CSNK2A1: variants seen among roughly 807,000 people sequenced by gnomAD.
CSNK2A1 encodes the protein casein kinase 2 alpha 1.
CSNK2A1 carries 10 observed loss-of-function variants against 62.9 expected under a neutral mutation model. The observed-to-expected ratio is 0.16, with a 90% CI of 0.10 to 0.27. The LOEUF is 0.27. Ranked by LOEUF, CSNK2A1 falls within the 10% of genes least tolerant of loss-of-function variation. The pLI is 1.00. For missense variants in CSNK2A1, 160 were observed against 492.0 expected (o/e 0.33, Z 6.38); for synonymous variants, 124 against 167.8 (o/e 0.74, Z 2.02).
chr20:488,828 C>A, intron 10 of CSNK2A1, 50 bp from the exon 11 acceptor site: 1 of 1,493,506 alleles, frequency 6.7e-7, no homozygotes, highest in Non-Finnish European at 9.2e-7. Context: ...ATTATATTAA[C>A]AAATCAACAA....
intron 4 of CSNK2A1, chr20:502,827 T>C (rs1335757504): frequency 6.6e-6 from 1 of 152,174 alleles, no homozygotes; most frequent in African/African-American, 2.4e-5. Flanking sequence ...ATAACATCTT[T>C]CACATGAAAT....
chr20:504,914 G>T (rs574591962), intron 4 of CSNK2A1: 1 of 529,644 alleles, frequency 1.9e-6, no homozygotes, highest in South Asian at 3.1e-5. Flanking sequence ...AGCTATATGA[G>T]TCAACTCAAA....
chr20:525,715 G>A (rs1045956027), intron 2 of CSNK2A1, among the ~76,000 whole-genome samples: 22 of 149,818 alleles, frequency 1.5e-4, no homozygotes, highest in Non-Finnish European at 1.3e-4. Context: ...GCTAATGCCT[G>A]TAATCCCAAC....
At chr20:525,480 G>A (rs57011967) in intron 2 of CSNK2A1, among the ~76,000 whole-genome samples, 192 of 151,284 alleles carry the variant, frequency 1.3e-3, no homozygotes, top group East Asian at 3.9e-3. Flanking sequence ...GTGAAACCCC[G>A]TCTCTACTAA....
Position 474,388 on chromosome 20 carries a change from A to G in CSNK2A1, c.*9573T>C, listed in dbSNP as rs1026984618. 4.6e-5 allele frequency: 7 copies of G among 152,120 alleles called. No individual in the cohort carries two copies. Among genetic ancestry groups the G allele is most frequent in the African/African-American group, 1.7e-4 (7 of 41,414 alleles). 9.4% of individuals were successfully genotyped at this position (152,120 alleles called of 1,614,324 possible). On this transcript the variant is annotated 3_prime_UTR_variant, in exon 14 of 14. Transcript: ENST00000217244. ...GGTTGCAGGTGTCAGATGAATCAGG[A>G]ATTGAGACGAGATGGGAAGGCATCA...
At chr20:487,710 G>T in intron 11 of CSNK2A1, 135 bp from the exon 12 acceptor site, 1 of 1,175,794 alleles carries the variant, frequency 8.5e-7, no homozygotes, top group Non-Finnish European at 1.2e-6. Context: ...GGGTAGTCTT[G>T]CACCGCTCTG....
intron 2 of CSNK2A1, among the ~76,000 whole-genome samples, chr20:525,418 T>G (rs569987547): frequency 6.6e-6 from 1 of 151,962 alleles, no homozygotes; most frequent in Non-Finnish European, 1.5e-5. Flanking sequence ...TGTGGGAGGC[T>G]GAGGCGGGCG....
chr20:492,387 C>T (rs2018254625), intron 8 of CSNK2A1, 23 bp from the exon 9 acceptor site: 2 of 1,611,188 alleles, frequency 1.2e-6, no homozygotes, highest in East Asian at 4.5e-5. Flanking sequence ...AAACCATGAG[C>T]AATCTTATCT....
chr20:487,701 G>T, intron 11 of CSNK2A1, 126 bp from the exon 12 acceptor site: 1 of 1,325,612 alleles, frequency 7.5e-7, no homozygotes, highest in Middle Eastern at 2.0e-4. Context: ...AACTCAAGAG[G>T]GTAGTCTTGC....
chr20:500,336 TC>T (rs2018434650), intron 4 of CSNK2A1: 1 of 191,854 alleles, frequency 5.2e-6, no homozygotes, highest in South Asian at 9.2e-5. Flanking sequence ...CCTTTCCATT[TC>T]TTCCTCTAAT....
At chr20:485,096 A>AT (rs2018054382) in intron 13 of CSNK2A1, among the ~76,000 whole-genome samples, 5 of 50,944 alleles carry the variant, frequency 9.8e-5, no homozygotes, top group African/African-American at 2.8e-4. Context: ...AAAAAAAAAA[A>AT]AAAAAAAAAA....
chr20:504,298 A>C (rs180929374), intron 4 of CSNK2A1: 5 of 152,352 alleles, frequency 3.3e-5, no homozygotes, highest in African/African-American at 1.2e-4. Context: ...AATTAAAGAC[A>C]GTATAAGTGT....
intron 7 of CSNK2A1, among the ~76,000 whole-genome samples, chr20:497,338 G>A (rs992677150): frequency 3.9e-5 from 6 of 152,150 alleles, no homozygotes; most frequent in African/African-American, 1.4e-4. Flanking sequence ...TGTAGAGACA[G>A]GGTCTCACTA....
chr20:506,543 T>A (rs1016580768), intron 3 of CSNK2A1: 7 of 152,174 alleles, frequency 4.6e-5, no homozygotes, highest in African/African-American at 1.7e-4. Flanking sequence ...CTGCTTCCAA[T>A]GTAGAGCGCT....
chr20:512,054 G>GT lies in CSNK2A1; in HGVS notation c.-109-3395dup, dbSNP rs552184996. 2.4e-4 allele frequency among the ~76,000 whole-genome samples: 37 copies of GT among 152,076 alleles called. No homozygotes were observed. In the East Asian group the frequency reaches 6.0e-3, roughly 25 times the overall value. On this transcript the variant is annotated intron_variant, in intron 2 of 13. Transcript: ENST00000217244. The stretch of plus-strand genomic sequence containing the variant: ...TCCTTACTAACACTTGTTATTTTCT[G>GT]TTTTTTGCTTGTTTTTATAGAGACA...
At chr20:531,229 GGTCT>G (rs2019205840) in intron 1 of CSNK2A1, among the ~76,000 whole-genome samples, 1 of 152,120 alleles carries the variant, frequency 6.6e-6, no homozygotes, top group South Asian at 2.1e-4. Context: ...AGGGCAGGTA[GGTCT>G]GTCTGTCTGG....
rs529449860 is a variant in CSNK2A1, at chr20:495,315, A to G, written c.510+404T>C. Reference sequence around the variant, plus strand: ...AATAAACAGAAACAGCATTTTCTGTATATCTCGTCCACTTAACTGTGCACA... The same window carrying G: ...AATAAACAGAAACAGCATTTTCTGTGTATCTCGTCCACTTAACTGTGCACA... On this transcript the variant is annotated intron_variant, in intron 8 of 13. Coordinates refer to ENST00000217244, the MANE Select transcript of CSNK2A1 (RefSeq NM_177559.3). 4 of 167,074 alleles carry G rather than the reference A, an allele frequency of 2.4e-5. No homozygotes were observed. The South Asian group carries it at 4.7e-4, about 20-fold the overall frequency. 10.3% of individuals were successfully genotyped at this position (167,074 alleles called of 1,614,324 possible).
rs551283577 is a variant in CSNK2A1 at position 488,906 on chromosome 20, T to G, written c.724-128A>C. The G allele has an allele frequency of 5.1e-6, 4 of 785,648 alleles. No homozygotes were observed. In the South Asian group the frequency reaches 7.9e-5, roughly 16 times the overall value. 48.7% of individuals were successfully genotyped at this position (785,648 alleles called of 1,614,324 possible). A position where few individuals can be genotyped will look rare whatever the true frequency, so the allele number is the denominator to read the frequency against. On this transcript the variant is annotated intron_variant, in intron 10 of 13. Transcript: ENST00000217244. ...AGGTATGAATGCTACCTCCTAACAG[T>G]TTAGACTTCAACTCAATGTGATAGT...
intron 1 of CSNK2A1, among the ~76,000 whole-genome samples, chr20:540,498 C>T (rs2019427622): frequency 6.6e-6 from 1 of 152,176 alleles, no homozygotes; most frequent in East Asian, 1.9e-4. Flanking sequence ...CCCTCACTAG[C>T]AGAGTCATTA....
Sources: allele counts gnomAD v4.1 joint callset (sites outside exome capture counted in the v4.1 genomes callset), GRCh38; gene constraint gnomAD v4.1.1; transcripts MANE v1.5; gene names NCBI Gene and HGNC (gene_info 2026-07-23, HGNC 2026-07-21).